Variants in CEP162 observed in about 807,000 individuals in gnomAD.
CEP162 encodes centrosomal protein of 162 kDa.
CEP162 carries 141 observed loss-of-function variants against 169.2 expected under a neutral mutation model. The ratio of observed to expected loss-of-function variants is 0.83; its 90% CI spans 0.73 to 0.96. The LOEUF (loss-of-function observed/expected upper bound fraction) is 0.96. Among genes scored for constraint, CEP162 ranks in the 40% least tolerant of loss-of-function variants. The probability of loss-of-function intolerance (pLI) is 0.00; values close to 1 mark genes in which losing one functional copy is unlikely to be tolerated. For missense variants in CEP162, 1,600 were observed against 1,587.2 expected (o/e 1.01, Z -0.14); for synonymous variants, 540 against 526.4 (o/e 1.03, Z -0.35).
chr6:84,219,035 C>T (rs9449843), intron 3 of CEP162: 8,680 of 382,558 alleles, frequency 0.023, 714 homozygotes, highest in African/African-American at 0.17. Context: ...ACATTTTATT[C>T]CTATGGCAAC....
At chr6:84,139,921 C>G (rs933462413) in intron 25 of CEP162, among the ~76,000 whole-genome samples, 2 of 105,008 alleles carry the variant, frequency 1.9e-5, no homozygotes, top group African/African-American at 2.4e-4. Flanking sequence ...GTTGTTCCAG[C>G]CACCCTCTCA....
Position 84,141,221 on chromosome 6 carries a change from T to G in CEP162, c.3870+5466A>C, listed in dbSNP as rs112319757. ...AGAATCACATTAAAATGGGTATACCTTTAAAGATTTGAGTTTTTATATCAA... is the reference window on the plus strand; with the variant it reads ...AGAATCACATTAAAATGGGTATACCGTTAAAGATTTGAGTTTTTATATCAA... On this transcript the variant is annotated intron_variant, in intron 25 of 26. Coordinates refer to ENST00000403245, the MANE Select transcript of CEP162 (RefSeq NM_014895.4). Among the ~76,000 whole-genome samples, 1,172 of 151,482 alleles carry G rather than the reference T, an allele frequency of 7.7e-3. 10 individuals are homozygous for G. Among genetic ancestry groups the G allele is most frequent in the Non-Finnish European group, 0.013 (856 of 68,016 alleles).
Position 84,152,944 on chromosome 6 carries a change from TG to T in CEP162, c.3229del (p.Gln1077ArgfsTer11), listed in dbSNP as rs1214936932. The T allele has an allele frequency of 6.2e-7, 1 of 1,613,764 alleles. No individual in the cohort carries two copies. Among genetic ancestry groups the T allele is most frequent in the Middle Eastern group, 1.7e-4 (1 of 6,060 alleles). On this transcript the variant is annotated frameshift_variant, in exon 23 of 27. Transcript: ENST00000403245. LOFTEE classifies it high-confidence loss of function. ...AGCTTTAGCATGAGCCTGTTCCACC[TG>T]GAATTCTATAGACTGAAAATCTTCA... ...DDEDFQSIEF[Q>X]VEQAHAKAKL... is the part of the protein sequence containing the mutation.
At chr6:84,224,665 A>C (rs897827468) in intron 2 of CEP162, among the ~76,000 whole-genome samples, 2 of 152,108 alleles carry the variant, frequency 1.3e-5, no homozygotes, top group African/African-American at 4.8e-5. Context: ...AGTTAGCATG[A>C]CTCTAAAATC....
chr6:84,165,809 A>C (rs2099527593), intron 18 of CEP162, among the ~76,000 whole-genome samples: 1 of 152,206 alleles, frequency 6.6e-6, no homozygotes, highest in African/African-American at 2.4e-5. Context: ...AGCATTTGTA[A>C]AGCATTATAT....
chr6:84,173,424 C>G (rs1376667271), intron 16 of CEP162, among the ~76,000 whole-genome samples: 1 of 152,126 alleles, frequency 6.6e-6, no homozygotes, highest in Admixed American at 6.5e-5. Context: ...TTTGTTAAGT[C>G]AAACCAGTGG....
At chr6:84,189,077 G>T (rs532438004) in intron 11 of CEP162, among the ~76,000 whole-genome samples, 6 of 151,598 alleles carry the variant, frequency 4.0e-5, no homozygotes, top group African/African-American at 1.5e-4. Flanking sequence ...TTTTGAGATG[G>T]AGTCTCGCTC....
intron 6 of CEP162, among the ~76,000 whole-genome samples, chr6:84,205,505 G>C (rs997133931): frequency 1.3e-5 from 2 of 152,120 alleles, no homozygotes; most frequent in Non-Finnish European, 2.9e-5. Flanking sequence ...AAAGGCCTTT[G>C]ACAAAATTCA....
At chr6:84,173,302 T>A (rs1562040951) in intron 16 of CEP162, among the ~76,000 whole-genome samples, 1 of 152,180 alleles carries the variant, frequency 6.6e-6, no homozygotes, top group East Asian at 1.9e-4. Flanking sequence ...GTAAAAAATG[T>A]CCTAAGTTGA....
intron 23 of CEP162, among the ~76,000 whole-genome samples, chr6:84,152,007 A>T (rs2099521310): frequency 6.6e-6 from 1 of 152,202 alleles, no homozygotes; most frequent in Non-Finnish European, 1.5e-5. Flanking sequence ...AGATCTGAGG[A>T]TGTCAAAAGA....
At chr6:84,220,873 G>A (rs182862633) in intron 3 of CEP162, among the ~76,000 whole-genome samples, 184 bp downstream of exon 3, 37 of 152,074 alleles carry the variant, frequency 2.4e-4, no homozygotes, top group African/African-American at 8.7e-4. Flanking sequence ...TTATAACGCA[G>A]ATTCTCAATT....
chr6:84,186,624 C>G lies in CEP162; in HGVS notation c.1110-1G>C, dbSNP rs763445502. 1.3e-6 allele frequency: 2 copies of G among 1,594,518 alleles called. No homozygotes were observed. The highest frequency in any genetic ancestry group is 1.7e-6 in the Non-Finnish European group (2 of 1,172,936). On this transcript the variant is annotated splice_acceptor_variant, in intron 11 of 26. Transcript: ENST00000403245. LOFTEE classifies it high-confidence loss of function. ...TTTTCTTTCGGCCACTTTCTCAGAG[C>G]TATAAAACAAAACAGGACACAGATA...
At chr6:84,189,407 T>C (rs1255474043) in intron 11 of CEP162, among the ~76,000 whole-genome samples, 3 of 152,158 alleles carry the variant, frequency 2.0e-5, no homozygotes, top group Admixed American at 2.0e-4. Flanking sequence ...CGTGCGGCGC[T>C]TGCGGGCCAG....
chr6:84,197,819 A>C (rs1213307308), intron 9 of CEP162, among the ~76,000 whole-genome samples: 7 of 137,486 alleles, frequency 5.1e-5, no homozygotes, highest in Non-Finnish European at 1.5e-5. Context: ...TCTGCCTCAA[A>C]CAAAACAAAA....
chr6:84,144,134 G>C (rs1370557870), intron 25 of CEP162, among the ~76,000 whole-genome samples: 1 of 151,912 alleles, frequency 6.6e-6, no homozygotes, highest in Non-Finnish European at 1.5e-5. Context: ...GGATGTTCCA[G>C]AGGGCCCTGG....
At chr6:84,164,120 T>A (rs888602061) in intron 18 of CEP162, among the ~76,000 whole-genome samples, 8 of 151,684 alleles carry the variant, frequency 5.3e-5, no homozygotes, top group African/African-American at 1.9e-4. Context: ...TCACTGGTCA[T>A]AGAGAAATGC....
intron 6 of CEP162, among the ~76,000 whole-genome samples, chr6:84,211,388 TGTG>T (rs2099549366): frequency 6.7e-6 from 1 of 149,674 alleles, no homozygotes; most frequent in African/African-American, 2.4e-5. Context: ...ATTAGCCAGG[TGTG>T]GTGGTGGGTG....
intron 9 of CEP162, among the ~76,000 whole-genome samples, chr6:84,200,248 TCAAAACAAAA>T (rs771918463): frequency 2.0e-5 from 3 of 152,120 alleles, no homozygotes; most frequent in African/African-American, 4.8e-5. Flanking sequence ...AGACTCCATC[TCAAAACAAAA>T]CAAAACAAAA....
In CEP162 at chr6:84,174,048, C is replaced by G; in HGVS notation, c.2166G>C (p.Gln722His). 1 of 1,608,548 alleles carries G rather than the reference C, an allele frequency of 6.2e-7. No individual in the cohort carries two copies. The highest frequency in any genetic ancestry group is 8.5e-7 in the Non-Finnish European group (1 of 1,178,056). ...GCCATATGTTGAAGAATTGCCATAC[C>G]TGTTGATATCCTTGAAGAAGTGTCT... is the stretch of plus-strand genomic sequence containing the variant. ...EQETLLQGYQ[Q>H]ENERLYNQVK... Residue 722 changes from glutamine to histidine, a missense_variant and splice_region_variant, in exon 16 of 27, where the codon CAG (glutamine) becomes CAC (histidine). Gln to His is a conservative substitution (Grantham distance 24). Coordinates refer to ENST00000403245, the MANE Select transcript of CEP162 (RefSeq NM_014895.4).
Sources: allele counts gnomAD v4.1 joint callset (sites outside exome capture counted in the v4.1 genomes callset), GRCh38; gene constraint gnomAD v4.1.1; transcripts MANE v1.5; gene names NCBI Gene and HGNC (gene_info 2026-07-23, HGNC 2026-07-21).